PDE11A: variants seen among roughly 807,000 people sequenced by gnomAD.
The protein encoded by PDE11A is phosphodiesterase 11A, also known as dual 3',5'-cyclic-AMP and -GMP phosphodiesterase 11A.
Under a neutral mutation model 100.5 loss-of-function variants are expected in PDE11A, and 100 were observed. That is an observed-to-expected ratio of 1.00 (90% CI 0.85 to 1.18). The LOEUF is 1.18. Among genes scored for constraint, PDE11A ranks in the 50% most tolerant of loss-of-function variants. The pLI, the probability that PDE11A is intolerant of heterozygous loss-of-function variation, is 0.00. For missense variants in PDE11A, 1,141 were observed against 1,152.6 expected (o/e 0.99, Z 0.15); for synonymous variants, 381 against 420.8 (o/e 0.91, Z 1.16).
intron 17 of PDE11A, among the ~76,000 whole-genome samples, chr2:177,674,962 AGATAGGTGGTAAAG>A (rs1239109919): frequency 6.6e-6 from 1 of 152,190 alleles, no homozygotes; most frequent in Non-Finnish European, 1.5e-5. Flanking sequence ...CAGAGAAATC[AGATAGGTGGTAAAG>A]GCATGGTTTG....
At chr2:177,651,359 C>A (rs1039209995) in intron 19 of PDE11A, among the ~76,000 whole-genome samples, 2 of 152,186 alleles carry the variant, frequency 1.3e-5, no homozygotes, top group African/African-American at 4.8e-5. Flanking sequence ...CTTCACCTCC[C>A]TTTGTTCAGA....
chr2:177,818,138 A>G (rs146422854), intron 7 of PDE11A, among the ~76,000 whole-genome samples: 350 of 152,156 alleles, frequency 2.3e-3, no homozygotes, highest in African/African-American at 7.8e-3. Context: ...ACTAGATCTC[A>G]GTAGTTCGGA....
intron 4 of PDE11A, among the ~76,000 whole-genome samples, chr2:177,886,752 T>C (rs533275233): frequency 6.6e-5 from 10 of 152,308 alleles, no homozygotes; most frequent in Admixed American, 1.3e-4. Context: ...GATGGTGCTA[T>C]AAGTTCATGC....
chr2:178,014,176 A>G, intron 2 of PDE11A, 126 bp downstream of exon 2: 2 of 721,600 alleles, frequency 2.8e-6, no homozygotes, highest in East Asian at 2.6e-5. Context: ...ATACCATGAG[A>G]AAAAGCTCTT....
chr2:177,935,284 T>G (rs1261490812), intron 2 of PDE11A, among the ~76,000 whole-genome samples: 1 of 152,168 alleles, frequency 6.6e-6, no homozygotes, highest in Non-Finnish European at 1.5e-5. Flanking sequence ...TACCCACCAC[T>G]ACTTACCACC....
upstream of PDE11A, among the ~76,000 whole-genome samples, chr2:178,073,842 T>C (rs2087169769): frequency 2.0e-5 from 3 of 152,078 alleles, no homozygotes; most frequent in Middle Eastern, 6.8e-3. Context: ...AGTCACATCA[T>C]GGAGTTTGCA....
At chr2:177,752,249 T>A (rs1209588602) in intron 10 of PDE11A, among the ~76,000 whole-genome samples, 1 of 152,212 alleles carries the variant, frequency 6.6e-6, no homozygotes, top group African/African-American at 2.4e-5. Context: ...GAAGAAGGGT[T>A]AATGCTGTGG....
chr2:177,882,610 G>T (rs1397498658), intron 4 of PDE11A, among the ~76,000 whole-genome samples: 2 of 152,092 alleles, frequency 1.3e-5, no homozygotes, highest in Admixed American at 6.6e-5. Context: ...ATCAGAAGTG[G>T]TTTCTAAATC....
rs116785264 is a variant in PDE11A, at chr2:177,709,114, C to T, written c.2153+2655G>A. Among the ~76,000 whole-genome samples, 1,185 of 152,152 alleles carry T rather than the reference C, an allele frequency of 7.8e-3. 7 individuals carry two copies. The highest frequency in any genetic ancestry group is 0.027 in the African/African-American group (1,127 of 41,508). On this transcript the variant is annotated intron_variant, in intron 13 of 19. Transcript: ENST00000286063. ...ATAGATGCATGAGTAGGGTGAGCTG[C>T]GGCGAGTGGGCACTGGGCCAGGGAA...
At position 178,037,667 on chromosome 2, in the gene PDE11A, T is replaced by C. The variant is rs985626406; in HGVS notation, c.913-23207A>G. Reference sequence around the variant, plus strand: ...CTGGATAAAGAAAATGTGGCACATATACACCACGGAATACTATGCAGCCAT... The same window carrying C: ...CTGGATAAAGAAAATGTGGCACATACACACCACGGAATACTATGCAGCCAT... On this transcript the variant is annotated intron_variant, in intron 1 of 19. Transcript: ENST00000286063. 5.9e-5 allele frequency among the ~76,000 whole-genome samples: 9 copies of C among 152,152 alleles called. 1 individual carries two copies. Among genetic ancestry groups the C allele is most frequent in the Non-Finnish European group, 1.2e-4 (8 of 68,024 alleles).
chr2:177,731,980 C>T (rs1179437285), intron 10 of PDE11A, among the ~76,000 whole-genome samples: 1 of 152,054 alleles, frequency 6.6e-6, no homozygotes, highest in East Asian at 1.9e-4. Context: ...GGGGAGAGAA[C>T]AAAAGAAAAT....
intron 9 of PDE11A, among the ~76,000 whole-genome samples, chr2:177,804,887 C>A (rs1432838024): frequency 6.6e-6 from 1 of 151,770 alleles, no homozygotes; most frequent in Non-Finnish European, 1.5e-5. Flanking sequence ...AATGGGTACA[C>A]ATGGACATAC....
intron 1 of PDE11A, among the ~76,000 whole-genome samples, chr2:178,056,893 T>C (rs1376836299): frequency 1.3e-5 from 2 of 150,952 alleles, no homozygotes; most frequent in Admixed American, 1.3e-4. Context: ...ACAGGCAAGA[T>C]GAAGGATAGG....
intron 1 of PDE11A, among the ~76,000 whole-genome samples, chr2:178,050,184 C>T (rs561948355): frequency 1.3e-5 from 2 of 152,260 alleles, no homozygotes; most frequent in Non-Finnish European, 2.9e-5. Flanking sequence ...CAACATTTGC[C>T]GTTCTGCAAT....
At chr2:177,751,797 GA>G (rs1487946525) in intron 10 of PDE11A, among the ~76,000 whole-genome samples, 1 of 152,152 alleles carries the variant, frequency 6.6e-6, no homozygotes, top group Non-Finnish European at 1.5e-5. Flanking sequence ...GAGTACAGGA[GA>G]AACAGGCATT....
chr2:177,965,448 G>A (rs1030727869), intron 2 of PDE11A, among the ~76,000 whole-genome samples: 1 of 152,020 alleles, frequency 6.6e-6, no homozygotes, highest in Non-Finnish European at 1.5e-5. Context: ...ATCTATGTCC[G>A]GAATAGTGTT....
chr2:177,662,193 A>G (rs2080494372), intron 19 of PDE11A, among the ~76,000 whole-genome samples: 1 of 152,248 alleles, frequency 6.6e-6, no homozygotes, highest in South Asian at 2.1e-4. Flanking sequence ...ATTGTCAATC[A>G]GTAATAAAAC....
chr2:177,982,551 A>G (rs1381725928), intron 2 of PDE11A, among the ~76,000 whole-genome samples: 2 of 150,560 alleles, frequency 1.3e-5, no homozygotes, highest in Non-Finnish European at 3.0e-5. Context: ...GATTCATTCA[A>G]ATGCCTTAAT....
chr2:177,729,340 TTTCTCC>T (rs532716610), intron 10 of PDE11A, among the ~76,000 whole-genome samples: 3,027 of 152,324 alleles, frequency 0.02, 44 homozygotes, highest in South Asian at 0.033. Context: ...ACTTCCCGCA[TTTCTCC>T]AGTCTAGACC....
Sources: allele counts gnomAD v4.1 joint callset (sites outside exome capture counted in the v4.1 genomes callset), GRCh38; gene constraint gnomAD v4.1.1; transcripts MANE v1.5; gene names NCBI Gene and HGNC (gene_info 2026-07-23, HGNC 2026-07-21).